RASSF3: variants seen among roughly 807,000 people sequenced by gnomAD.
RASSF3 encodes Ras association domain family member 3.
A neutral mutation model predicts 19.9 loss-of-function variants in RASSF3; 19 were observed. The observed-to-expected ratio is 0.96, with a 90% CI of 0.67 to 1.40. RASSF3 has a LOEUF of 1.40. RASSF3 is among the 40% of genes most tolerant of loss of function. The pLI, the probability that RASSF3 is intolerant of heterozygous loss-of-function variation, is 0.00. For synonymous variants in RASSF3, 110 were observed against 104.2 expected (o/e 1.06, Z -0.34); for missense variants, 306 against 289.8 (o/e 1.06, Z -0.41).
At chr12:64,522,875 G>T (rs1048367810) in intron 1 of RASSF3, among the ~76,000 whole-genome samples, 37 of 152,100 alleles carry the variant, frequency 2.4e-4, no homozygotes, top group African/African-American at 8.5e-4. Context: ...GGGGAAAAGT[G>T]TATCTTCATT....
intron 1 of RASSF3, among the ~76,000 whole-genome samples, chr12:64,671,321 T>G (rs1356339914): frequency 6.6e-6 from 1 of 152,168 alleles, no homozygotes; most frequent in Admixed American, 6.5e-5. Flanking sequence ...CAGGGTTCAG[T>G]GAAGTGGGCC....
At chr12:64,680,930 T>A (rs1565869888) in intron 1 of RASSF3, among the ~76,000 whole-genome samples, 1 of 152,102 alleles carries the variant, frequency 6.6e-6, no homozygotes. Flanking sequence ...TAGTTTTTAA[T>A]CTCTGAGAAG....
intron 2 of RASSF3, 62 bp downstream of exon 2, chr12:64,684,956 A>AC: frequency 2.1e-6 from 2 of 949,376 alleles, no homozygotes; most frequent in Non-Finnish European, 3.4e-6. Flanking sequence ...AATTGTTGGT[A>AC]CTACAATCTA....
intron 2 of RASSF3, among the ~76,000 whole-genome samples, chr12:64,556,014 G>A (rs968598092): frequency 2.6e-5 from 4 of 152,206 alleles, no homozygotes; most frequent in African/African-American, 4.8e-5. Context: ...GAGATTTACC[G>A]TGGGAATGTC....
At chr12:64,650,585 T>C (rs1871915787) in intron 1 of RASSF3, among the ~76,000 whole-genome samples, 1 of 151,842 alleles carries the variant, frequency 6.6e-6, no homozygotes, top group Non-Finnish European at 1.5e-5. Flanking sequence ...CCAGCTAATT[T>C]TTTGTATTTT....
chr12:64,682,536 C>T (rs1056863327), intron 1 of RASSF3, among the ~76,000 whole-genome samples: 2 of 148,196 alleles, frequency 1.3e-5, no homozygotes, highest in Non-Finnish European at 3.0e-5. Flanking sequence ...CACTGCACTC[C>T]AGCCTGGGTG....
intron 1 of RASSF3, among the ~76,000 whole-genome samples, chr12:64,676,755 G>C (rs969340304): frequency 6.7e-6 from 1 of 150,122 alleles, no homozygotes; most frequent in African/African-American, 2.5e-5. Context: ...ACAGGCGTGA[G>C]CCATTGCACC....
upstream of RASSF3, among the ~76,000 whole-genome samples, chr12:64,607,365 A>ACC (rs1870212211): frequency 4.6e-5 from 7 of 151,030 alleles, no homozygotes; most frequent in African/African-American, 7.3e-5. Context: ...TCCTTTATTT[A>ACC]TTTATTTATT....
At chr12:64,511,077 G>A (rs1382361088) in intron 1 of RASSF3, among the ~76,000 whole-genome samples, 3 of 152,274 alleles carry the variant, frequency 2.0e-5, no homozygotes, top group East Asian at 1.9e-4. Flanking sequence ...CATAAATGCC[G>A]TGAAACTAAG....
At chr12:64,556,041 G>C (rs1476246040) in intron 2 of RASSF3, among the ~76,000 whole-genome samples, 1 of 152,216 alleles carries the variant, frequency 6.6e-6, no homozygotes, top group East Asian at 1.9e-4. Flanking sequence ...GGATAAAGGG[G>C]AGGGAGCCAG....
At position 64,614,111 on chromosome 12, in the gene RASSF3, AG is replaced by A. The variant is rs1870467740; in HGVS notation, c.111+3369del. ...TGAATGAATGTTTTCCTGATTTGAT[AG>A]TAACTGGGTCTTTACCATTTCTTTT... is the stretch of plus-strand genomic sequence containing the variant. On this transcript the variant is annotated intron_variant, in intron 1 of 4. Transcript: ENST00000542104. 1.2e-4 allele frequency among the ~76,000 whole-genome samples: 18 copies of A among 150,822 alleles called. 1 individual carries two copies. In the South Asian group the frequency reaches 3.8e-3, roughly 32 times the overall value.
intron 1 of RASSF3, chr12:64,533,361 T>G (rs1244294963): frequency 6.6e-6 from 1 of 152,280 alleles, no homozygotes; most frequent in African/African-American, 2.4e-5. Context: ...TCGGATGGTC[T>G]GAGGCCACCA....
At chr12:64,537,965 T>G (rs967801813) in intron 1 of RASSF3, among the ~76,000 whole-genome samples, 3 of 151,858 alleles carry the variant, frequency 2.0e-5, no homozygotes, top group Non-Finnish European at 4.4e-5. Context: ...CGTCTTGGCC[T>G]GTGTGTCGTC....
At chr12:64,556,929 C>T (rs759699815) in intron 2 of RASSF3, among the ~76,000 whole-genome samples, 4 of 150,490 alleles carry the variant, frequency 2.7e-5, no homozygotes, top group Non-Finnish European at 4.4e-5. Flanking sequence ...CTCTGCTTCC[C>T]GGGTTCAAGC....
intron 1 of RASSF3, among the ~76,000 whole-genome samples, chr12:64,640,980 G>T (rs1345495857): frequency 1.3e-5 from 2 of 151,966 alleles, no homozygotes; most frequent in Admixed American, 1.3e-4. Context: ...TTTTAAAGGT[G>T]AAATAATATT....
chr12:64,663,080 A>G (rs1444919604), intron 1 of RASSF3, among the ~76,000 whole-genome samples: 4 of 152,224 alleles, frequency 2.6e-5, no homozygotes, highest in Non-Finnish European at 5.9e-5. Flanking sequence ...AAAAATGTTC[A>G]GTGTTAGAAG....
At chr12:64,509,726 C>T (rs898833326) in intron 1 of RASSF3, among the ~76,000 whole-genome samples, 7 of 152,134 alleles carry the variant, frequency 4.6e-5, no homozygotes, top group Non-Finnish European at 2.9e-5. Flanking sequence ...TTAGTTTTCT[C>T]ATTAGTTTGG....
intron 2 of RASSF3, among the ~76,000 whole-genome samples, chr12:64,585,214 C>T (rs181078123): frequency 2.9e-4 from 44 of 152,204 alleles, no homozygotes; most frequent in African/African-American, 1.1e-3. Flanking sequence ...AACCAGATTA[C>T]ATCTGATGTT....
intron 1 of RASSF3, among the ~76,000 whole-genome samples, chr12:64,632,444 A>G (rs573073794): frequency 6.6e-6 from 1 of 152,248 alleles, no homozygotes; most frequent in East Asian, 1.9e-4. Context: ...GGGTAGGGAT[A>G]TTGTTTGGAA....
Sources: allele counts gnomAD v4.1 joint callset (sites outside exome capture counted in the v4.1 genomes callset), GRCh38; gene constraint gnomAD v4.1.1; transcripts MANE v1.5; gene names NCBI Gene and HGNC (gene_info 2026-07-23, HGNC 2026-07-21).